Variants in PNPT1 observed in about 807,000 individuals in gnomAD.
The protein encoded by PNPT1 is polyribonucleotide nucleotidyltransferase 1, mitochondrial.
PNPT1 carries 53 observed loss-of-function variants against 119.5 expected under a neutral mutation model. The ratio of observed to expected loss-of-function variants is 0.44; its 90% CI spans 0.36 to 0.56. The LOEUF is 0.56. Ranked by LOEUF, PNPT1 falls within the 20% of genes least tolerant of loss-of-function variation. The probability of loss-of-function intolerance (pLI) is 0.00; values close to 1 mark genes in which losing one functional copy is unlikely to be tolerated. For missense variants in PNPT1, 948 were observed against 938.5 expected, an observed-to-expected ratio of 1.01 and a Z score of -0.13; for synonymous variants, 357 against 322.1, an observed-to-expected ratio of 1.11 and a Z score of -1.16.
chr2:55,640,219 T>G (rs1352789385), intron 26 of PNPT1, among the ~76,000 whole-genome samples: 1 of 152,126 alleles, frequency 6.6e-6, no homozygotes, highest in Non-Finnish European at 1.5e-5. Flanking sequence ...AGTGGCACAA[T>G]CTTGGCTCAC....
At chr2:55,672,834 C>T (rs1416418548) in intron 9 of PNPT1, 59 bp downstream of exon 9, 3 of 1,479,574 alleles carry the variant, frequency 2.0e-6, no homozygotes, top group Non-Finnish European at 2.7e-6. Flanking sequence ...AGTTTCTCTC[C>T]CACGAGGAAA....
chr2:55,669,140 G>C (rs1696828114), intron 11 of PNPT1, among the ~76,000 whole-genome samples: 1 of 151,936 alleles, frequency 6.6e-6, no homozygotes, highest in Non-Finnish European at 1.5e-5. Flanking sequence ...GAGGCTTAAA[G>C]GGGTGAAGTA....
chr2:55,669,762 C>CT (rs57731680), intron 11 of PNPT1, among the ~76,000 whole-genome samples: 13 of 3,240 alleles, frequency 4.0e-3, no homozygotes, highest in Non-Finnish European at 8.0e-3. Flanking sequence ...GCTAACAGCA[C>CT]TTTTTTTTTT....
chr2:55,690,344 G>C (rs576745313), intron 1 of PNPT1, among the ~76,000 whole-genome samples: 2 of 18,554 alleles, frequency 1.1e-4, no homozygotes, highest in South Asian at 1.3e-3. Context: ...GACCCCTGAA[G>C]ATACAGAGAA....
intron 18 of PNPT1, among the ~76,000 whole-genome samples, chr2:55,654,290 T>G (rs1696313636): frequency 6.6e-6 from 1 of 150,740 alleles, no homozygotes; most frequent in African/African-American, 2.4e-5. Context: ...CCTAGCATAA[T>G]GCTTTCGTTT....
intron 18 of PNPT1, among the ~76,000 whole-genome samples, chr2:55,652,602 T>C (rs542285410): frequency 4.6e-5 from 7 of 152,324 alleles, no homozygotes; most frequent in Admixed American, 2.0e-4. Context: ...GTTGATCAGA[T>C]TAAGCAGTCC....
intron 18 of PNPT1, among the ~76,000 whole-genome samples, chr2:55,649,792 C>G (rs1053589590): frequency 4.6e-5 from 7 of 152,194 alleles, no homozygotes; most frequent in Non-Finnish European, 7.3e-5. Flanking sequence ...CCTAGAGAGT[C>G]AGTATTCGGA....
intron 22 of PNPT1, 194 bp downstream of exon 22, chr2:55,645,155 C>G: frequency 2.6e-6 from 1 of 384,934 alleles, no homozygotes. Flanking sequence ...TCCCGAGTAG[C>G]TGGGACTACA....
At chr2:55,684,807 G>A in intron 4 of PNPT1, 136 bp downstream of exon 4, 1 of 1,161,788 alleles carries the variant, frequency 8.6e-7, no homozygotes, top group Non-Finnish European at 1.1e-6. Flanking sequence ...TGAGGGAAGA[G>A]AAGGAGTGAA....
chr2:55,686,089 C>T (rs893536056), intron 3 of PNPT1, among the ~76,000 whole-genome samples: 5 of 152,234 alleles, frequency 3.3e-5, no homozygotes, highest in African/African-American at 1.2e-4. Flanking sequence ...ACTATGAGGG[C>T]AATGAATTCA....
chr2:55,671,963 A>G (rs1266336161), intron 10 of PNPT1, 32 bp downstream of exon 10: 1 of 1,517,186 alleles, frequency 6.6e-7, no homozygotes, highest in Non-Finnish European at 9.0e-7. Context: ...TTCCTAGGGC[A>G]ATTATGGAAG....
chr2:55,677,989 C>T (rs569724253), intron 8 of PNPT1, among the ~76,000 whole-genome samples: 2 of 152,234 alleles, frequency 1.3e-5, no homozygotes, highest in South Asian at 4.2e-4. Context: ...GATCTGCCTG[C>T]CTCGGCCTCC....
At chr2:55,652,309 C>A (rs936923574) in intron 18 of PNPT1, among the ~76,000 whole-genome samples, 1 of 152,190 alleles carries the variant, frequency 6.6e-6, no homozygotes, top group Non-Finnish European at 1.5e-5. Flanking sequence ...AATTGAACTG[C>A]ATACCTTGTA....
intron 10 of PNPT1, 109 bp downstream of exon 10, chr2:55,671,886 A>T: frequency 1.3e-6 from 1 of 772,174 alleles, no homozygotes; most frequent in Non-Finnish European, 2.1e-6. Flanking sequence ...TTTTTCATTT[A>T]GAGATTTTTA....
At chr2:55,689,001 T>C (rs1697508780) in intron 1 of PNPT1, among the ~76,000 whole-genome samples, 1 of 152,128 alleles carries the variant, frequency 6.6e-6, no homozygotes, top group Admixed American at 6.6e-5. Context: ...ATAAAAGTTT[T>C]AGAAACAAAA....
At chr2:55,643,508 G>A (rs1195948436) in intron 23 of PNPT1, 83 bp from the exon 24 acceptor site, 58 of 1,194,606 alleles carry the variant, frequency 4.9e-5, no homozygotes, top group Non-Finnish European at 6.4e-5. Context: ...ACTCTGGGGG[G>A]CTGAGGTGGG....
At chr2:55,660,068 C>T (rs778638408) in intron 15 of PNPT1, 89 bp downstream of exon 15, 163 of 1,313,034 alleles carry the variant, frequency 1.2e-4, no homozygotes, top group Non-Finnish European at 1.6e-4. Context: ...TGCACCACTC[C>T]ACTCCAGCCT....
At chr2:55,691,878 A>ATATATATATATATTTTTTTTT (rs1326804958) in intron 1 of PNPT1, among the ~76,000 whole-genome samples, 3 of 33,108 alleles carry the variant, frequency 9.1e-5, no homozygotes, top group Non-Finnish European at 1.8e-4. Flanking sequence ...ATATATATAT[A>ATATATATATATATTTTTTTTT]TTTTTTTTTT....
chr2:55,676,544 G>C (rs1334039005), intron 8 of PNPT1, among the ~76,000 whole-genome samples: 2 of 152,084 alleles, frequency 1.3e-5, no homozygotes, highest in Non-Finnish European at 2.9e-5. Context: ...AACTATTCTT[G>C]CCGTGTAAGA....
Sources: allele counts gnomAD v4.1 joint callset (sites outside exome capture counted in the v4.1 genomes callset), GRCh38; gene constraint gnomAD v4.1.1; transcripts MANE v1.5; gene names NCBI Gene and HGNC (gene_info 2026-07-23, HGNC 2026-07-21).